RNF19B: variants seen among roughly 807,000 people sequenced by gnomAD.
The protein encoded by RNF19B is ring finger protein 19B.
Under a neutral mutation model 65.5 loss-of-function variants are expected in RNF19B, and 23 were observed. The observed-to-expected ratio is 0.35, with a 90% CI of 0.25 to 0.50. RNF19B has a LOEUF of 0.50. Ranked by LOEUF, RNF19B falls within the 20% of genes least tolerant of loss-of-function variation. RNF19B has a pLI of 0.98. For synonymous variants in RNF19B, 372 were observed against 379.6 expected (o/e 0.98, Z 0.23); for missense variants, 794 against 980.0 (o/e 0.81, Z 2.53).
chr1:32,962,423 A>G (rs1053516156), intron 1 of RNF19B, among the ~76,000 whole-genome samples: 3 of 152,380 alleles, frequency 2.0e-5, no homozygotes, highest in African/African-American at 7.2e-5. Flanking sequence ...ACTGAAAGTG[A>G]AAGTGAGCCA....
At chr1:32,955,981 G>A (rs957802331) in intron 1 of RNF19B, among the ~76,000 whole-genome samples, 2 of 152,150 alleles carry the variant, frequency 1.3e-5, no homozygotes, top group African/African-American at 4.8e-5. Context: ...CATAACCCCA[G>A]AACTTTGTCA....
the RNF19B span, among the ~76,000 whole-genome samples, chr1:32,929,417 G>A: frequency 6.6e-6 from 1 of 152,072 alleles, no homozygotes; most frequent in Non-Finnish European, 1.5e-5. Flanking sequence ...ATGATTTTTG[G>A]TGGAAGGGAC....
At chr1:32,959,095 C>G (rs1642710176) in intron 1 of RNF19B, among the ~76,000 whole-genome samples, 1 of 152,144 alleles carries the variant, frequency 6.6e-6, no homozygotes, top group Non-Finnish European at 1.5e-5. Context: ...TTGATCTTCC[C>G]TCATAAATGT....
At chr1:32,950,768 CTCAA>C (rs901306287) in intron 1 of RNF19B, among the ~76,000 whole-genome samples, 10 of 151,842 alleles carry the variant, frequency 6.6e-5, no homozygotes, top group Non-Finnish European at 1.2e-4. Flanking sequence ...AACTTCCGGG[CTCAA>C]TCAATCAGCC....
intron 1 of RNF19B, among the ~76,000 whole-genome samples, chr1:32,960,807 G>C (rs1256139846): frequency 6.6e-6 from 1 of 152,014 alleles, no homozygotes; most frequent in East Asian, 1.9e-4. Context: ...GACCAGCCTG[G>C]GCAACACAGG....
chr1:32,949,025 A>G (rs532721161), intron 2 of RNF19B, among the ~76,000 whole-genome samples: 6 of 152,378 alleles, frequency 3.9e-5, no homozygotes, highest in African/African-American at 1.4e-4. Flanking sequence ...TCAGCAAAAT[A>G]AAAGTACAAA....
At chr1:32,935,045 T>C (rs1437227386), downstream of RNF19B, among the ~76,000 whole-genome samples, 5 of 151,906 alleles carry the variant, frequency 3.3e-5, no homozygotes, top group Non-Finnish European at 5.9e-5. Flanking sequence ...TTGGCCAGGA[T>C]GGTCTTGATC....
chr1:32,949,374 A>G (rs750019597), intron 2 of RNF19B, among the ~76,000 whole-genome samples, 195 bp downstream of exon 2: 2 of 152,244 alleles, frequency 1.3e-5, no homozygotes, highest in African/African-American at 2.4e-5. Flanking sequence ...TCAATTTTAT[A>G]TAGTTGGATA....
chr1:32,952,926 A>G lies in RNF19B; in HGVS notation c.636-3152T>C, dbSNP rs191848692. 2.6e-5 allele frequency among the ~76,000 whole-genome samples: 4 copies of G among 151,570 alleles called. No individual in the cohort carries two copies. In the East Asian group the frequency reaches 7.7e-4, roughly 29 times the overall value. Reference sequence around the variant, plus strand: ...AGATTCTGTCTAAAAAAAATAATAAATAAATAAATGGAAAGTTATGAAAGT... The same window carrying G: ...AGATTCTGTCTAAAAAAAATAATAAGTAAATAAATGGAAAGTTATGAAAGT... On this transcript the variant is annotated intron_variant, in intron 1 of 8. Coordinates refer to ENST00000235150, the MANE Select transcript of RNF19B (RefSeq NM_001300826.2).
the RNF19B span, among the ~76,000 whole-genome samples, chr1:32,930,302 G>T: frequency 2.6e-5 from 4 of 151,834 alleles, no homozygotes; most frequent in African/African-American, 7.3e-5. Flanking sequence ...TAGAGACAGG[G>T]CTTCACCATA....
chr1:32,938,423 T>C lies in RNF19B; in HGVS notation c.1716A>G (p.Ile572Met). Residue 572 changes from isoleucine to methionine, a missense_variant, in exon 8 of 9, where the codon ATA becomes ATG. By Grantham distance (10) the Ile-to-Met change is conservative. This residue lies in a region of RNF19B where 368 missense variants were observed against 447.3 expected (regional missense o/e 0.82). Transcript: ENST00000235150. ...NASTRAMAGS[I>M]ISSYNPQDRE... is the part of the protein sequence containing the mutation. ...TGTCCTGTGGGTTGTAGGAACTGAT[T>C]ATGGAACCGGCCATAGCACGAGTGC... 1.9e-6 allele frequency: 3 copies of C among 1,614,236 alleles called. 1 individual carries two copies. Among genetic ancestry groups the C allele is most frequent in the Non-Finnish European group, 2.5e-6 (3 of 1,180,042 alleles).
chr1:32,930,069 A>G, the RNF19B span, among the ~76,000 whole-genome samples: 2 of 152,226 alleles, frequency 1.3e-5, no homozygotes, highest in Non-Finnish European at 2.9e-5. Flanking sequence ...TAAGTAGGTC[A>G]CACATATGAT....
chr1:32,962,929 T>C (rs1642806502), intron 1 of RNF19B, among the ~76,000 whole-genome samples: 1 of 152,190 alleles, frequency 6.6e-6, no homozygotes. Flanking sequence ...CTCCACTGAA[T>C]GCTTCAGATA....
At position 32,948,375 on chromosome 1, in the gene RNF19B, G is replaced by C. The variant is rs200946285; in HGVS notation, c.842-12C>G. On this transcript the variant is annotated splice_polypyrimidine_tract_variant and intron_variant, in intron 2 of 8. Coordinates refer to ENST00000235150, the MANE Select transcript of RNF19B (RefSeq NM_001300826.2). ...TGGCTTGATGTCATCTGCTATGAGTGGGGGAAGAATGGGTAGAAAAAATAC... is the reference window on the plus strand; with the variant it reads ...TGGCTTGATGTCATCTGCTATGAGTCGGGGAAGAATGGGTAGAAAAAATAC... The C allele has an allele frequency of 8.7e-6, 14 of 1,608,312 alleles. No individual in the cohort carries two copies. Among genetic ancestry groups the C allele is most frequent in the Admixed American group, 3.4e-5 (2 of 59,592 alleles).
chr1:32,952,392 T>G (rs1026039787), intron 1 of RNF19B, among the ~76,000 whole-genome samples: 1 of 140,738 alleles, frequency 7.1e-6, no homozygotes. Context: ...CCAGCATTTT[T>G]AGACCAGCCT....
At position 32,964,710 on chromosome 1, in the gene RNF19B, G is replaced by T; in HGVS notation, c.-25C>A. The T allele has an allele frequency of 7.1e-7, 1 of 1,416,610 alleles. No homozygotes were observed. Among genetic ancestry groups the T allele is most frequent in the Non-Finnish European group, 9.2e-7 (1 of 1,090,376 alleles). The allele number at this position is 1,416,610 out of a possible 1,614,324, so 87.8% of individuals were successfully genotyped here. A position where few individuals can be genotyped will look rare whatever the true frequency, so the allele number is the denominator to read the frequency against. On this transcript the variant is annotated 5_prime_UTR_variant, in exon 1 of 9. Coordinates refer to ENST00000235150, the MANE Select transcript of RNF19B (RefSeq NM_001300826.2). This position sits in a 1 kb window ranked among gnomAD's most constrained non-coding sequence, Gnocchi z 6.5. ...TGGCCGGCAGAGGCCGAGGAGCCAG[G>T]GGCGCCCAGCGCCGCCACAGCTCCC... is the stretch of plus-strand genomic sequence containing the variant.
chr1:32,956,066 C>T (rs999479357), intron 1 of RNF19B, among the ~76,000 whole-genome samples: 21 of 151,994 alleles, frequency 1.4e-4, no homozygotes, highest in African/African-American at 4.6e-4. Context: ...CCCATCTCTA[C>T]GAAAGACACA....
chr1:32,945,440 A>C, intron 5 of RNF19B, 74 bp downstream of exon 5: 1 of 882,614 alleles, frequency 1.1e-6, no homozygotes, highest in Non-Finnish European at 1.9e-6. Flanking sequence ...GTCTTTGAGA[A>C]ACATCTGGCC....
intron 1 of RNF19B, among the ~76,000 whole-genome samples, chr1:32,956,645 C>T (rs187133503): frequency 1.2e-4 from 19 of 152,272 alleles, no homozygotes; most frequent in African/African-American, 4.3e-4. Flanking sequence ...TGCTTAAGTT[C>T]ATACAACTTT....
Sources: allele counts gnomAD v4.1 joint callset (sites outside exome capture counted in the v4.1 genomes callset), GRCh38; gene constraint gnomAD v4.1.1; regional missense constraint gnomAD v4.1.1; non-coding constraint Gnocchi (gnomAD v3.1); transcripts MANE v1.5; gene names NCBI Gene and HGNC (gene_info 2026-07-23, HGNC 2026-07-21).